The following RYR3 variants were observed in gnomAD, a reference collection of about 807,000 sequenced individuals.
RYR3 encodes brain ryanodine receptor-calcium release channel.
Under a neutral mutation model 584.3 loss-of-function variants are expected in RYR3, and 207 were observed. The observed-to-expected ratio is 0.35, with a 90% CI of 0.32 to 0.40. The LOEUF (loss-of-function observed/expected upper bound fraction) is 0.40. Ranked by LOEUF, RYR3 falls within the 10% of genes least tolerant of loss-of-function variation. The pLI, the probability that RYR3 is intolerant of heterozygous loss-of-function variation, is 1.00. For missense variants in RYR3, 5,616 were observed against 6,089.2 expected (o/e 0.92, Z 2.59); for synonymous variants, 2,416 against 2,248.5 (o/e 1.07, Z -2.11).
At chr15:33,450,087 T>TAAAAAAACAAAAAAA (rs2046990698) in intron 1 of RYR3, among the ~76,000 whole-genome samples, 1 of 67,338 alleles carries the variant, frequency 1.5e-5, no homozygotes, top group Non-Finnish European at 2.7e-5. Flanking sequence ...CATTAATACC[T>TAAAAAAACAAAAAAA]AAAAAAAAAA....
At position 33,621,813 on chromosome 15, in the gene RYR3, G is replaced by A. The variant is rs144322335; in HGVS notation, c.2358-1994G>A. On this transcript the variant is annotated intron_variant, in intron 19 of 103. Transcript: ENST00000634891. ...AAGAGGCTTTATTTTCCAGTTTCAC[G>A]ATTAGGATATTTCCACGATCACAAT... Among the ~76,000 whole-genome samples the A allele has an allele frequency of 1.4e-3, 220 of 152,216 alleles. 1 individual carries two copies. Among genetic ancestry groups the A allele is most frequent in the African/African-American group, 5.1e-3 (210 of 41,538 alleles).
intron 51 of RYR3, 126 bp downstream of exon 51, chr15:33,740,121 C>T (rs2069934087): frequency 5.2e-6 from 4 of 768,168 alleles, no homozygotes; most frequent in Non-Finnish European, 8.4e-6. Context: ...CATCATTTCT[C>T]TTGATGTGTC....
intron 1 of RYR3, among the ~76,000 whole-genome samples, chr15:33,371,521 A>T (rs971561356): frequency 1.3e-5 from 2 of 152,232 alleles, no homozygotes; most frequent in African/African-American, 2.4e-5. Context: ...CCAGCACATG[A>T]TGCTAGGTAT....
At chr15:33,735,987 G>C (rs567453332) in intron 48 of RYR3, among the ~76,000 whole-genome samples, 1 of 152,120 alleles carries the variant, frequency 6.6e-6, no homozygotes. Flanking sequence ...ATATATCCTA[G>C]AACATTTTGT....
At chr15:33,741,944 T>G (rs1280155312) in intron 51 of RYR3, among the ~76,000 whole-genome samples, 1 of 152,174 alleles carries the variant, frequency 6.6e-6, no homozygotes, top group Non-Finnish European at 1.5e-5. Context: ...CATGAGCCAC[T>G]GAGCCCCAAA....
chr15:33,495,742 C>T (rs2051360505), intron 2 of RYR3, among the ~76,000 whole-genome samples: 1 of 152,108 alleles, frequency 6.6e-6, no homozygotes, highest in African/African-American at 2.4e-5. Flanking sequence ...TAACTTTCTC[C>T]ATTATAAACT....
intron 1 of RYR3, among the ~76,000 whole-genome samples, chr15:33,355,871 G>A (rs1240463793): frequency 6.6e-6 from 1 of 152,210 alleles, no homozygotes; most frequent in African/African-American, 2.4e-5. Flanking sequence ...ATTCAGCTCA[G>A]TTATTGGCTT....
chr15:33,558,258 C>A (rs1263618597), intron 10 of RYR3, among the ~76,000 whole-genome samples: 4 of 151,780 alleles, frequency 2.6e-5, no homozygotes, highest in African/African-American at 7.3e-5. Flanking sequence ...CCCCCCACCC[C>A]ACAACAGGCC....
In RYR3 at chr15:33,378,598, C is replaced by T. The variant is rs138400254; in HGVS notation, c.51+67502C>T. 2.0e-5 allele frequency among the ~76,000 whole-genome samples: 3 copies of T among 152,248 alleles called. No homozygotes were observed. The East Asian group carries it at 5.8e-4, about 29-fold the overall frequency. On this transcript the variant is annotated intron_variant, in intron 1 of 103. Transcript: ENST00000634891. ...GATCTAGTGTTTTTTATGGAATAAC[C>T]AGAAAAGTGTTTGTGCCTGAGTATT...
Position 33,408,853 on chromosome 15 carries a change from A to T in RYR3, c.52-64566A>T, listed in dbSNP as rs150110383. Among the ~76,000 whole-genome samples the T allele has an allele frequency of 1.4e-4, 21 of 152,314 alleles. No homozygotes were observed. In the East Asian group the frequency reaches 3.9e-3, roughly 28 times the overall value. ...TTTTAGTATTTTGGGTCTCAACTTCAGTTGCTTCTCCTATAGAATAGAAAA... is the reference window on the plus strand; with the variant it reads ...TTTTAGTATTTTGGGTCTCAACTTCTGTTGCTTCTCCTATAGAATAGAAAA... On this transcript the variant is annotated intron_variant, in intron 1 of 103. Transcript: ENST00000634891.
intron 2 of RYR3, 59 bp downstream of exon 2, chr15:33,473,597 A>G: frequency 6.4e-7 from 1 of 1,572,810 alleles, no homozygotes; most frequent in Non-Finnish European, 8.7e-7. Context: ...AAAGTCATTT[A>G]GGGGAGATAC....
Position 33,482,414 on chromosome 15 carries a change from G to GTTGTTGTTGT in RYR3, c.171+8890_171+8899dup, listed in dbSNP as rs1333155817. ...TTCTAGCAATTTGGTTTTTGTTGTT[G>GTTGTTGTTGT]TTGTTGTTGTTTGTTGTTGTTTGAG... On this transcript the variant is annotated intron_variant, in intron 2 of 103. Coordinates refer to ENST00000634891, the MANE Select transcript of RYR3 (RefSeq NM_001036.6). 2.6e-5 allele frequency among the ~76,000 whole-genome samples: 4 copies of GTTGTTGTTGT among 151,738 alleles called. No individual in the cohort carries two copies. The East Asian group carries it at 5.8e-4, about 22-fold the overall frequency.
chr15:33,456,737 T>G (rs2047594855), intron 1 of RYR3, among the ~76,000 whole-genome samples: 1 of 152,214 alleles, frequency 6.6e-6, no homozygotes, highest in African/African-American at 2.4e-5. Context: ...TACTTTCACC[T>G]ATTCCTGGTG....
intron 67 of RYR3, among the ~76,000 whole-genome samples, chr15:33,794,665 C>A (rs558552552): frequency 5.3e-5 from 8 of 152,228 alleles, no homozygotes; most frequent in Admixed American, 5.2e-4. Context: ...TTGAGATCAT[C>A]ATTAATTCAT....
In RYR3 at chr15:33,630,053, T is replaced by G. The variant is rs2061189750; in HGVS notation, c.2783+10T>G. 6.8e-7 allele frequency: 1 copy of G among 1,465,074 alleles called. No homozygotes were observed. Among genetic ancestry groups the G allele is most frequent in the African/African-American group, 1.4e-5 (1 of 71,530 alleles). The allele number at this position is 1,465,074 out of a possible 1,614,324, so 90.8% of individuals were successfully genotyped here. A position where few individuals can be genotyped will look rare whatever the true frequency, so the allele number is the denominator to read the frequency against. On this transcript the variant is annotated intron_variant, in intron 22 of 103. Transcript: ENST00000634891. ...CAACTGAAACCTTAAAGTGAGTATT[T>G]AATTGAGCTGAAGTTTTACAAACAA...
chr15:33,374,035 G>T (rs1446802828), intron 1 of RYR3, among the ~76,000 whole-genome samples: 1 of 152,096 alleles, frequency 6.6e-6, no homozygotes, highest in Non-Finnish European at 1.5e-5. Flanking sequence ...GATGCTGTCA[G>T]AAAACAAAAT....
intron 102 of RYR3, among the ~76,000 whole-genome samples, chr15:33,863,581 G>A (rs899348614): frequency 3.3e-5 from 5 of 152,116 alleles, no homozygotes; most frequent in African/African-American, 1.2e-4. Flanking sequence ...ATGTGTCACA[G>A]ACAAACTCAA....
chr15:33,810,815 G>T, intron 71 of RYR3, 163 bp from the exon 72 acceptor site: 1 of 1,051,116 alleles, frequency 9.5e-7, no homozygotes. Context: ...TGGTTTGGAA[G>T]TCCGTGTGTG....
At chr15:33,741,288 A>G (rs1433941933) in intron 51 of RYR3, among the ~76,000 whole-genome samples, 1 of 152,238 alleles carries the variant, frequency 6.6e-6, no homozygotes. Flanking sequence ...CTTAGCACGC[A>G]TAGTCACCAG....
Sources: gnomAD v4.1 joint callset for allele counts (sites outside exome capture counted in the v4.1 genomes callset) on GRCh38, gnomAD v4.1.1 for gene constraint, MANE v1.5 for transcripts, NCBI Gene and HGNC (gene_info 2026-07-23, HGNC 2026-07-21) for gene names.